DPP6: variants seen among roughly 807,000 people sequenced by gnomAD.
The protein encoded by DPP6 is dipeptidyl peptidase like 6.
Under a neutral mutation model 122.6 loss-of-function variants are expected in DPP6, and 69 were observed. The ratio of observed to expected loss-of-function variants is 0.56; its 90% confidence interval spans 0.46 to 0.69. The LOEUF (loss-of-function observed/expected upper bound fraction) is 0.69, where lower values mean the gene tolerates loss of function less well. Among genes scored for constraint, DPP6 ranks in the 30% least tolerant of loss-of-function variants. The pLI, the probability that DPP6 is intolerant of heterozygous loss-of-function variation, is 0.00. For synonymous variants in DPP6, 418 were observed against 433.1 expected, an observed-to-expected ratio of 0.97 and a Z score of 0.43; for missense variants, 928 against 1,116.9, an observed-to-expected ratio of 0.83 and a Z score of 2.41.
At chr7:154,703,777 A>G (rs1840665712) in intron 7 of DPP6, among the ~76,000 whole-genome samples, 1 of 152,050 alleles carries the variant, frequency 6.6e-6, no homozygotes, top group East Asian at 1.9e-4. Context: ...TCTACTAAAA[A>G]ATACAAAAAA....
At chr7:154,180,122 T>G (rs1797996259) in intron 1 of DPP6, among the ~76,000 whole-genome samples, 1 of 152,088 alleles carries the variant, frequency 6.6e-6, no homozygotes, top group African/African-American at 2.4e-5. Flanking sequence ...CTGAGGCAAG[T>G]GGATCACCTG....
chr7:154,829,968 C>T (rs975520358), intron 16 of DPP6, among the ~76,000 whole-genome samples: 23 of 152,162 alleles, frequency 1.5e-4, no homozygotes, highest in African/African-American at 5.6e-4. Flanking sequence ...TGCCTGTGCC[C>T]TCCCGCAGCT....
At chr7:154,194,757 T>C (rs1252938607) in intron 1 of DPP6, among the ~76,000 whole-genome samples, 1 of 152,250 alleles carries the variant, frequency 6.6e-6, no homozygotes, top group African/African-American at 2.4e-5. Context: ...GTGGACTTAT[T>C]CGTCTCTCCT....
chr7:154,881,418 C>G (rs1288205309), intron 21 of DPP6, among the ~76,000 whole-genome samples: 2 of 152,216 alleles, frequency 1.3e-5, no homozygotes, highest in African/African-American at 4.8e-5. Flanking sequence ...AAGGCTGTAG[C>G]CTGGGACAGC....
At chr7:154,791,776 C>A (rs749401924) in intron 10 of DPP6, among the ~76,000 whole-genome samples, 3 of 152,190 alleles carry the variant, frequency 2.0e-5, no homozygotes, top group Admixed American at 6.5e-5. Flanking sequence ...TGTGACTCCG[C>A]GGGCCATGTC....
intron 1 of DPP6, among the ~76,000 whole-genome samples, chr7:154,347,157 C>T (rs1009657485): frequency 6.6e-6 from 1 of 152,202 alleles, no homozygotes; most frequent in Non-Finnish European, 1.5e-5. Context: ...GTTCATGTAA[C>T]GTACAGGAGA....
At chr7:153,804,021 C>T in the DPP6 span, among the ~76,000 whole-genome samples, 2 of 151,080 alleles carry the variant, frequency 1.3e-5, no homozygotes, top group Non-Finnish European at 2.9e-5. Flanking sequence ...CCTGTCCACC[C>T]TCTATCTGAA....
chr7:153,804,458 A>T, the DPP6 span, among the ~76,000 whole-genome samples: 3 of 152,266 alleles, frequency 2.0e-5, no homozygotes, highest in East Asian at 5.8e-4. Flanking sequence ...ATTAGGATGG[A>T]TCTTTACAAA....
chr7:154,283,065 G>A (rs954146168), intron 1 of DPP6, among the ~76,000 whole-genome samples: 2 of 152,186 alleles, frequency 1.3e-5, no homozygotes, highest in Non-Finnish European at 2.9e-5. Flanking sequence ...CCACTGTGAA[G>A]CTCAGAGTGA....
chr7:154,687,548 T>C (rs1401239917), intron 7 of DPP6, among the ~76,000 whole-genome samples: 1 of 152,190 alleles, frequency 6.6e-6, no homozygotes, highest in Non-Finnish European at 1.5e-5. Flanking sequence ...TCGGGTTGTT[T>C]GCCCCTTTCT....
chr7:154,406,554 C>T (rs569603091), intron 1 of DPP6, among the ~76,000 whole-genome samples: 1 of 152,104 alleles, frequency 6.6e-6, no homozygotes, highest in Non-Finnish European at 1.5e-5. Context: ...TGCACACACA[C>T]GTGGGTTTGC....
chr7:153,873,563 A>G, the DPP6 span, among the ~76,000 whole-genome samples: 1 of 152,230 alleles, frequency 6.6e-6, no homozygotes, highest in Non-Finnish European at 1.5e-5. Flanking sequence ...AATACAAAAT[A>G]GAATTACACA....
intron 1 of DPP6, among the ~76,000 whole-genome samples, chr7:153,913,434 A>G (rs1800172909): frequency 6.6e-6 from 1 of 152,164 alleles, no homozygotes; most frequent in Non-Finnish European, 1.5e-5. Context: ...ACAGAGATTC[A>G]TTGTTTCTTC....
chr7:153,767,105 A>G, the DPP6 span, among the ~76,000 whole-genome samples: 4 of 125,142 alleles, frequency 3.2e-5, no homozygotes, highest in African/African-American at 1.1e-4. Context: ...TAGCTAGAAA[A>G]GAAGGAAGTC....
At chr7:153,779,203 G>GGAAGTGGT in the DPP6 span, among the ~76,000 whole-genome samples, 1 of 147,222 alleles carries the variant, frequency 6.8e-6, no homozygotes, top group South Asian at 2.1e-4. Flanking sequence ...GGTACCTTGG[G>GGAAGTGGT]GAAGTGGTGG....
At chr7:153,803,432 G>C in the DPP6 span, among the ~76,000 whole-genome samples, 1 of 144,216 alleles carries the variant, frequency 6.9e-6, no homozygotes, top group Admixed American at 6.7e-5. Context: ...AAAAGGCAGA[G>C]GAAAGAATTC....
chr7:154,133,810 C>T (rs1340969357), intron 1 of DPP6, among the ~76,000 whole-genome samples: 5 of 148,422 alleles, frequency 3.4e-5, no homozygotes, highest in Non-Finnish European at 6.0e-5. Context: ...CTCATTCTCC[C>T]GGCAAAGACT....
intron 17 of DPP6, among the ~76,000 whole-genome samples, chr7:154,859,920 C>A (rs111515250): frequency 6.6e-6 from 1 of 152,140 alleles, no homozygotes; most frequent in Non-Finnish European, 1.5e-5. Flanking sequence ...GTGCGTGTGG[C>A]GGGGTTGAAG....
chr7:153,842,929 T>C, the DPP6 span, among the ~76,000 whole-genome samples: 7 of 152,204 alleles, frequency 4.6e-5, no homozygotes, highest in African/African-American at 1.2e-4. Flanking sequence ...TGATAGAAAG[T>C]ATTTTTTATT....
Sources: gnomAD v4.1 joint callset for allele counts (sites outside exome capture counted in the v4.1 genomes callset) on GRCh38, gnomAD v4.1.1 for gene constraint, MANE v1.5 for transcripts, NCBI Gene and HGNC (gene_info 2026-07-23, HGNC 2026-07-21) for gene names.